Variants in XRCC4 observed in about 807,000 individuals in gnomAD.
XRCC4 encodes X-ray repair cross complementing 4.
Under a neutral mutation model 39.1 loss-of-function variants are expected in XRCC4, and 28 were observed. That is an observed-to-expected ratio of 0.72 (90% confidence interval 0.53 to 0.98). XRCC4 has a LOEUF of 0.98. Ranked by LOEUF, XRCC4 falls within the 50% of genes least tolerant of loss-of-function variation. XRCC4 has a pLI of 0.00. For missense variants in XRCC4, 350 were observed against 376.4 expected, an observed-to-expected ratio of 0.93 and a Z score of 0.58; for synonymous variants, 123 against 126.4, an observed-to-expected ratio of 0.97 and a Z score of 0.18.
chr5:83,178,268 C>G (rs10051542), intron 3 of XRCC4, among the ~76,000 whole-genome samples: 74,549 of 151,908 alleles, frequency 0.49, 19,229 homozygotes, highest in African/African-American at 0.63. Flanking sequence ...TAGTAGAAAG[C>G]TTAGTGTATG....
chr5:83,102,897 C>T (rs1333089857), intron 1 of XRCC4, among the ~76,000 whole-genome samples: 1 of 151,494 alleles, frequency 6.6e-6, no homozygotes, highest in East Asian at 1.9e-4. Context: ...TGAGTCCTTG[C>T]ACCACCACTT....
chr5:83,351,310 G>A (rs528568786), intron 7 of XRCC4, among the ~76,000 whole-genome samples: 5 of 152,100 alleles, frequency 3.3e-5, no homozygotes, highest in Non-Finnish European at 7.4e-5. Context: ...ATACAAGAAT[G>A]GACTAATACA....
intron 3 of XRCC4, among the ~76,000 whole-genome samples, chr5:83,171,296 CA>C (rs1749710155): frequency 6.6e-6 from 1 of 152,110 alleles, no homozygotes; most frequent in African/African-American, 2.4e-5. Flanking sequence ...ACTCTACCAC[CA>C]GAGGAGCATT....
At chr5:83,283,546 A>C (rs1328291193) in intron 7 of XRCC4, among the ~76,000 whole-genome samples, 1 of 152,192 alleles carries the variant, frequency 6.6e-6, no homozygotes, top group African/African-American at 2.4e-5. Context: ...TCATATAACT[A>C]ATTGTTCTGA....
At chr5:83,353,825 T>C (rs956205375), downstream of XRCC4, 2 of 152,182 alleles carry the variant, frequency 1.3e-5, no homozygotes, top group African/African-American at 4.8e-5. Context: ...TAACAGGTTT[T>C]TAGAAACTGC....
At chr5:83,189,445 T>A (rs2731861) in intron 3 of XRCC4, among the ~76,000 whole-genome samples, 7,773 of 152,024 alleles carry the variant, frequency 0.051, 684 homozygotes, top group African/African-American at 0.18. Context: ...ACAATTTTGC[T>A]TACTTTTCAC....
chr5:83,271,659 G>C (rs1159930198), intron 7 of XRCC4, among the ~76,000 whole-genome samples: 1 of 152,088 alleles, frequency 6.6e-6, no homozygotes, highest in Non-Finnish European at 1.5e-5. Context: ...ATAAAATAGA[G>C]TCATGTTGAG....
At chr5:83,083,272 T>C (rs1745036525) in intron 1 of XRCC4, among the ~76,000 whole-genome samples, 1 of 152,224 alleles carries the variant, frequency 6.6e-6, no homozygotes, top group East Asian at 1.9e-4. Context: ...TTATCTGTTT[T>C]GTTGTCTTAT....
chr5:83,156,753 C>T (rs1382363), intron 3 of XRCC4, among the ~76,000 whole-genome samples: 73,630 of 151,852 alleles, frequency 0.48, 18,811 homozygotes, highest in African/African-American at 0.63. Flanking sequence ...AATAAATATC[C>T]ATACATTTTT....
chr5:83,093,242 TAGTC>T (rs1745514228), intron 1 of XRCC4, among the ~76,000 whole-genome samples: 1 of 152,108 alleles, frequency 6.6e-6, no homozygotes, highest in Admixed American at 6.6e-5. Flanking sequence ...AATGATAAAG[TAGTC>T]AGTTTGCCAA....
At chr5:83,372,253 G>A in the XRCC4 span, among the ~76,000 whole-genome samples, 195 of 152,254 alleles carry the variant, frequency 1.3e-3, no homozygotes, top group African/African-American at 4.5e-3. Flanking sequence ...TCCCAAATGT[G>A]CAAATTTCCA....
At chr5:83,262,955 C>G (rs1264357815) in intron 7 of XRCC4, among the ~76,000 whole-genome samples, 2 of 147,478 alleles carry the variant, frequency 1.4e-5, no homozygotes, top group African/African-American at 5.0e-5. Context: ...AACTCGTCAT[C>G]TAGCATTAGG....
intron 7 of XRCC4, among the ~76,000 whole-genome samples, chr5:83,306,530 C>G (rs1201941281): frequency 6.6e-6 from 1 of 151,848 alleles, no homozygotes; most frequent in Non-Finnish European, 1.5e-5. Context: ...TTTTAAAGCA[C>G]CAAATAATTA....
Position 83,187,179 on chromosome 5 carries a change from A to G in XRCC4, c.316-8591A>G, listed in dbSNP as rs1397285217. Among the ~76,000 whole-genome samples the G allele has an allele frequency of 1.5e-5, 2 of 132,928 alleles. 1 individual carries two copies. The highest frequency in any genetic ancestry group is 5.9e-5 in the African/African-American group (2 of 34,146). 87.2% of individuals were successfully genotyped at this position (132,928 alleles called of 152,430 possible). Reference sequence around the variant, plus strand: ...AGGATGGTCTCGATCTCCTGACCTCATGATCCGCCCGCCTCTGCCTCCCAA... The same window carrying G: ...AGGATGGTCTCGATCTCCTGACCTCGTGATCCGCCCGCCTCTGCCTCCCAA... On this transcript the variant is annotated intron_variant, in intron 3 of 7. Coordinates refer to ENST00000396027, the MANE Select transcript of XRCC4 (RefSeq NM_003401.5).
chr5:83,158,666 A>G (rs767271788), intron 3 of XRCC4, among the ~76,000 whole-genome samples: 2 of 152,090 alleles, frequency 1.3e-5, no homozygotes, highest in African/African-American at 4.8e-5. Context: ...TTTTTTTCTC[A>G]TAAGACAGTT....
intron 3 of XRCC4, among the ~76,000 whole-genome samples, chr5:83,121,818 T>C (rs1025192129): frequency 6.6e-6 from 1 of 152,206 alleles, no homozygotes; most frequent in Non-Finnish European, 1.5e-5. Context: ...CGCTATAGTT[T>C]TAGATTTTAC....
chr5:83,249,564 C>A (rs6452536), intron 6 of XRCC4, among the ~76,000 whole-genome samples: 1 of 152,012 alleles, frequency 6.6e-6, no homozygotes, highest in Non-Finnish European at 1.5e-5. Context: ...CAAAATTATT[C>A]CAGAGTTTTC....
chr5:83,350,613 G>GTGATTTGCTTTTTGCTTGT (rs2112232253), intron 7 of XRCC4, among the ~76,000 whole-genome samples: 1 of 152,122 alleles, frequency 6.6e-6, no homozygotes, highest in East Asian at 1.9e-4. Flanking sequence ...TATTAATGGG[G>GTGATTTGCTTTTTGCTTGT]TGATTTGCTT....
At chr5:83,116,420 T>C (rs1561337231) in intron 3 of XRCC4, among the ~76,000 whole-genome samples, 1 of 152,154 alleles carries the variant, frequency 6.6e-6, no homozygotes, top group East Asian at 1.9e-4. Flanking sequence ...AATTGTGTGT[T>C]CACTGTGCAA....
Sources: allele counts gnomAD v4.1 joint callset (sites outside exome capture counted in the v4.1 genomes callset), GRCh38; gene constraint gnomAD v4.1.1; transcripts MANE v1.5; gene names NCBI Gene and HGNC (gene_info 2026-07-23, HGNC 2026-07-21).